The following CLSTN2 variants were observed in gnomAD, a reference collection of about 807,000 sequenced individuals.
CLSTN2 encodes calsyntenin 2.
A neutral mutation model predicts 101.2 loss-of-function variants in CLSTN2; 48 were observed. That is an observed-to-expected ratio of 0.47 (90% CI 0.38 to 0.60). CLSTN2 has a LOEUF of 0.60. Ranked by LOEUF, CLSTN2 falls within the 20% of genes least tolerant of loss-of-function variation. CLSTN2 has a pLI of 0.00. For synonymous variants in CLSTN2, 481 were observed against 463.6 expected (o/e 1.04, Z -0.48); for missense variants, 1,160 against 1,238.2 (o/e 0.94, Z 0.95).
chr3:140,374,362 A>G (rs1559852112), intron 2 of CLSTN2, among the ~76,000 whole-genome samples: 1 of 151,770 alleles, frequency 6.6e-6, no homozygotes, highest in Non-Finnish European at 1.5e-5. Flanking sequence ...CTGTCTAAAC[A>G]CTGTCATCCT....
intron 2 of CLSTN2, among the ~76,000 whole-genome samples, chr3:140,376,291 C>T (rs990859304): frequency 6.6e-6 from 1 of 152,204 alleles, no homozygotes; most frequent in African/African-American, 2.4e-5. Context: ...CACCCCACCT[C>T]CATCAGCTAT....
chr3:139,999,971 T>G (rs908664272), intron 1 of CLSTN2, among the ~76,000 whole-genome samples: 2 of 149,548 alleles, frequency 1.3e-5, no homozygotes, highest in African/African-American at 4.9e-5. Context: ...AAAAAAAAAT[T>G]ACATGTATAG....
At chr3:140,550,367 T>C (rs1219261863) in intron 10 of CLSTN2, among the ~76,000 whole-genome samples, 1 of 151,040 alleles carries the variant, frequency 6.6e-6, no homozygotes, top group Non-Finnish European at 1.5e-5. Flanking sequence ...CAAAACAATG[T>C]TTCATGGATT....
At chr3:140,403,371 A>G (rs1335824225) in intron 2 of CLSTN2, among the ~76,000 whole-genome samples, 4 of 152,318 alleles carry the variant, frequency 2.6e-5, no homozygotes, top group Middle Eastern at 3.4e-3. Context: ...AGTGCTGCTC[A>G]TACATTAGTG....
chr3:140,556,421 C>T, intron 10 of CLSTN2, 92 bp from the exon 11 acceptor site: 2 of 1,236,134 alleles, frequency 1.6e-6, no homozygotes, highest in Non-Finnish European at 1.2e-6. Flanking sequence ...TTTATGGTGA[C>T]CCTTGGTGCC....
intron 1 of CLSTN2, among the ~76,000 whole-genome samples, chr3:140,147,454 A>C (rs776145763): frequency 1.3e-5 from 2 of 152,176 alleles, no homozygotes; most frequent in Admixed American, 6.5e-5. Flanking sequence ...TGATTGACCC[A>C]CACTCCTATG....
chr3:140,389,406 G>A (rs7615973), intron 2 of CLSTN2, among the ~76,000 whole-genome samples: 2,517 of 152,286 alleles, frequency 0.017, 73 homozygotes, highest in African/African-American at 0.058. Context: ...TTGTGTTCCT[G>A]TGTTAGTTTG....
intron 8 of CLSTN2, among the ~76,000 whole-genome samples, chr3:140,491,039 C>T (rs993181075): frequency 1.3e-5 from 2 of 152,214 alleles, no homozygotes; most frequent in African/African-American, 4.8e-5. Flanking sequence ...GTAAGTCATA[C>T]GTCCCTAATA....
intron 9 of CLSTN2, among the ~76,000 whole-genome samples, chr3:140,539,871 C>A (rs936262734): frequency 6.6e-6 from 1 of 152,176 alleles, no homozygotes; most frequent in African/African-American, 2.4e-5. Context: ...ACTGCTGGAC[C>A]ACCTCAGCCA....
chr3:140,332,472 A>C (rs1417239064), intron 2 of CLSTN2, among the ~76,000 whole-genome samples: 1 of 152,170 alleles, frequency 6.6e-6, no homozygotes, highest in Non-Finnish European at 1.5e-5. Flanking sequence ...AAATGGTAGA[A>C]ATTTCAATAA....
chr3:139,973,000 C>T (rs1935742205), intron 1 of CLSTN2, among the ~76,000 whole-genome samples: 1 of 152,218 alleles, frequency 6.6e-6, no homozygotes, highest in African/African-American at 2.4e-5. Context: ...AGGACTTCTA[C>T]AGTTTCATTT....
chr3:140,541,123 T>C (rs974799012), intron 9 of CLSTN2, among the ~76,000 whole-genome samples: 7 of 152,006 alleles, frequency 4.6e-5, no homozygotes, highest in Admixed American at 1.3e-4. Context: ...CCTTGAACCT[T>C]CCAAGCCACA....
intron 10 of CLSTN2, among the ~76,000 whole-genome samples, chr3:140,549,639 G>A (rs1327850464): frequency 1.3e-5 from 2 of 149,770 alleles, no homozygotes; most frequent in Non-Finnish European, 3.0e-5. Flanking sequence ...ATCAGTTCAT[G>A]CTCTTTCTTC....
intron 1 of CLSTN2, among the ~76,000 whole-genome samples, chr3:140,113,320 T>A (rs991350080): frequency 2.6e-5 from 4 of 152,182 alleles, no homozygotes; most frequent in African/African-American, 9.6e-5. Context: ...CTTTGAAGCC[T>A]AGGGGCTGGC....
At chr3:140,238,021 C>T (rs966234771) in intron 2 of CLSTN2, among the ~76,000 whole-genome samples, 2 of 152,264 alleles carry the variant, frequency 1.3e-5, no homozygotes, top group South Asian at 2.1e-4. Context: ...GCAAGGACAT[C>T]AACATGTGTT....
chr3:140,355,390 G>A (rs976777089), intron 2 of CLSTN2, among the ~76,000 whole-genome samples: 1 of 152,094 alleles, frequency 6.6e-6, no homozygotes, highest in Non-Finnish European at 1.5e-5. Context: ...CAATTTCATA[G>A]GATTGTTGTG....
intron 2 of CLSTN2, among the ~76,000 whole-genome samples, chr3:140,305,962 G>C (rs972350894): frequency 1.2e-4 from 18 of 152,020 alleles, no homozygotes; most frequent in African/African-American, 4.1e-4. Flanking sequence ...ATCGGGTAAG[G>C]AATGGCATTT....
At chr3:140,560,940 C>A (rs1157031899) in intron 12 of CLSTN2, among the ~76,000 whole-genome samples, 2 of 151,854 alleles carry the variant, frequency 1.3e-5, no homozygotes, top group African/African-American at 4.8e-5. Context: ...ATACACGAAA[C>A]CATTGTGATT....
chr3:140,271,294 G>T (rs1419329427), intron 2 of CLSTN2, among the ~76,000 whole-genome samples: 1 of 152,086 alleles, frequency 6.6e-6, no homozygotes, highest in Non-Finnish European at 1.5e-5. Context: ...CAGATTATTT[G>T]GTGTGCCTCT....
Sources: gnomAD v4.1 joint callset for allele counts (sites outside exome capture counted in the v4.1 genomes callset) on GRCh38, gnomAD v4.1.1 for gene constraint, MANE v1.5 for transcripts, NCBI Gene and HGNC (gene_info 2026-07-23, HGNC 2026-07-21) for gene names.